TMPRSS4: variants seen among roughly 807,000 people sequenced by gnomAD.
TMPRSS4 encodes the protein transmembrane protease serine 4.
In TMPRSS4, 45 loss-of-function variants were observed where a neutral mutation model predicts 56.4. The observed-to-expected ratio is 0.80, with a 90% confidence interval of 0.63 to 1.02. The LOEUF is 1.02. Among genes scored for constraint, TMPRSS4 ranks in the 50% least tolerant of loss-of-function variants. The pLI, the probability that TMPRSS4 is intolerant of heterozygous loss-of-function variation, is 0.00. For missense variants in TMPRSS4, 546 were observed against 556.7 expected (o/e 0.98, Z 0.19); for synonymous variants, 205 against 211.0 (o/e 0.97, Z 0.25).
chr11:118,111,922 G>A (rs754629026), intron 8 of TMPRSS4, 22 bp downstream of exon 8: 16 of 1,595,086 alleles, frequency 1.0e-5, no homozygotes, highest in Non-Finnish European at 1.2e-5. Flanking sequence ...GCTGTAAGGA[G>A]GTCTCTGGGG....
At chr11:118,093,548 C>T (rs565937183) in intron 1 of TMPRSS4, among the ~76,000 whole-genome samples, 2 of 152,338 alleles carry the variant, frequency 1.3e-5, no homozygotes, top group East Asian at 3.9e-4. Context: ...GACTCTGTGG[C>T]TGTGTGCGTG....
At chr11:118,096,846 GGAAA>G (rs749979292) in intron 2 of TMPRSS4, among the ~76,000 whole-genome samples, 764 of 36,290 alleles carry the variant, frequency 0.021, 114 homozygotes, top group East Asian at 0.038. Context: ...AAGGAAAGAA[GGAAA>G]GAAAGAAAGA....
chr11:118,125,229 G>A, downstream of TMPRSS4: 1 of 456,278 alleles, frequency 2.2e-6, no homozygotes, highest in East Asian at 6.9e-5. Context: ...TGGGGTAAAT[G>A]TTGAATAATG....
chr11:118,087,086 A>G (rs1237299632), intron 1 of TMPRSS4, among the ~76,000 whole-genome samples: 1 of 150,496 alleles, frequency 6.6e-6, no homozygotes, highest in Non-Finnish European at 1.5e-5. Flanking sequence ...TGTTTATCCC[A>G]TCACCTAGCA....
intron 5 of TMPRSS4, chr11:118,106,142 G>T (rs573654946): frequency 6.6e-6 from 1 of 152,170 alleles, no homozygotes; most frequent in Non-Finnish European, 1.5e-5. Flanking sequence ...TGCATCAGCC[G>T]TTCCTGGCAC....
intron 7 of TMPRSS4, 32 bp from the exon 8 acceptor site, chr11:118,111,709 C>T: frequency 6.5e-7 from 1 of 1,528,240 alleles, no homozygotes. Context: ...AGCCTGACTT[C>T]CTGCCTCCTC....
At chr11:118,083,945 G>A (rs927712068) in intron 1 of TMPRSS4, among the ~76,000 whole-genome samples, 3 of 152,162 alleles carry the variant, frequency 2.0e-5, no homozygotes, top group African/African-American at 7.2e-5. Context: ...GGCTGAGCCA[G>A]GAGAATCGCT....
intron 8 of TMPRSS4, among the ~76,000 whole-genome samples, chr11:118,112,742 A>G (rs1442728769): frequency 1.3e-5 from 2 of 151,580 alleles, no homozygotes; most frequent in Non-Finnish European, 2.9e-5. Flanking sequence ...CAGGTACCAA[A>G]CACCAGATGA....
intron 7 of TMPRSS4, among the ~76,000 whole-genome samples, chr11:118,111,027 C>A (rs1947251759): frequency 6.6e-6 from 1 of 152,214 alleles, no homozygotes; most frequent in Non-Finnish European, 1.5e-5. Flanking sequence ...CAGGAGCGGG[C>A]AAGGTGGCAT....
intron 1 of TMPRSS4, chr11:118,086,869 G>C (rs553865601): frequency 1.3e-5 from 2 of 153,004 alleles, no homozygotes; most frequent in South Asian, 4.1e-4. Context: ...GTTTTGGGGA[G>C]GGATGCAGGT....
intron 8 of TMPRSS4, among the ~76,000 whole-genome samples, 197 bp from the exon 9 acceptor site, chr11:118,113,072 T>C (rs918569015): frequency 6.7e-6 from 1 of 150,214 alleles, no homozygotes; most frequent in African/African-American, 2.5e-5. Context: ...GGAAAAAGGG[T>C]CAAATCCCTT....
Position 118,103,725 on chromosome 11 carries a change from A to T in TMPRSS4, c.310+472A>T, listed in dbSNP as rs538428006. Among the ~76,000 whole-genome samples the T allele has an allele frequency of 2.0e-5, 3 of 152,278 alleles. No homozygotes were observed. The South Asian group carries it at 6.2e-4, about 32-fold the overall frequency. On this transcript the variant is annotated intron_variant, in intron 4 of 12. Coordinates refer to ENST00000437212, the MANE Select transcript of TMPRSS4 (RefSeq NM_019894.4). ...CAGGACCCTGTCTTGTCTACCTTTA[A>T]ATCCTAGTACTTAACACACAGCAAA...
chr11:118,096,915 GAGAGAAAGGAAA>G (rs1946370167), intron 2 of TMPRSS4, among the ~76,000 whole-genome samples: 3 of 56,992 alleles, frequency 5.3e-5, no homozygotes, highest in African/African-American at 6.0e-5. Flanking sequence ...AAGAAAGGGA[GAGAGAAAGGAAA>G]GAAAGAAAGA....
intron 9 of TMPRSS4, 92 bp downstream of exon 9, chr11:118,113,527 T>C: frequency 5.5e-6 from 8 of 1,453,176 alleles, no homozygotes; most frequent in African/African-American, 1.4e-5. Flanking sequence ...TGGCACATAA[T>C]GTCTCCTCTC....
At position 118,104,828 on chromosome 11, in the gene TMPRSS4, A is replaced by G. The variant is rs1442709686; in HGVS notation, c.440+8A>G. ...GCAGATGGGCTACAGCAGGTAACCA[A>G]CCTGGGCCTCTCTCCTTTTTCCCTC... On this transcript the variant is annotated splice_region_variant and intron_variant, in intron 5 of 12. Coordinates refer to ENST00000437212, the MANE Select transcript of TMPRSS4 (RefSeq NM_019894.4). 12 of 1,567,864 alleles carry G rather than the reference A, an allele frequency of 7.7e-6. No homozygotes were observed. Among genetic ancestry groups the G allele is most frequent in the Non-Finnish European group, 1.0e-5 (12 of 1,155,910 alleles).
intron 5 of TMPRSS4, 180 bp from the exon 6 acceptor site, chr11:118,107,594 T>G: frequency 5.7e-6 from 3 of 522,976 alleles, no homozygotes; most frequent in Non-Finnish European, 3.4e-6. Flanking sequence ...CAAGGGTCGG[T>G]TCTTTATTGT....
intron 2 of TMPRSS4, among the ~76,000 whole-genome samples, chr11:118,097,546 T>C (rs1312859322): frequency 6.6e-6 from 1 of 152,162 alleles, no homozygotes; most frequent in African/African-American, 2.4e-5. Flanking sequence ...CCCAGCTTAT[T>C]TCCCACAAGG....
chr11:118,103,224 A>C lies in TMPRSS4; in HGVS notation c.281A>C (p.Lys94Thr). 1 of 1,614,116 alleles carries C rather than the reference A, an allele frequency of 6.2e-7. No individual in the cohort carries two copies. Among genetic ancestry groups the C allele is most frequent in the Non-Finnish European group, 8.5e-7 (1 of 1,180,014 alleles). ...GGGGAGGACGAGGAGCACTGTGTCA[A>C]GAGCTTCCCCGAAGGGCCTGCAGTG... Reference protein sequence around the residue: ...PLGEDEEHCVKSFPEGPAVAV... With the variant: ...PLGEDEEHCVTSFPEGPAVAV... Residue 94 changes from lysine to threonine, a missense_variant, in exon 4 of 13, where the codon AAG becomes ACG. Physicochemically the swap from Lys to Thr is moderately conservative, Grantham distance 78. Coordinates refer to ENST00000437212, the MANE Select transcript of TMPRSS4 (RefSeq NM_019894.4).
At chr11:118,078,691 G>T (rs1944884708) in intron 1 of TMPRSS4, among the ~76,000 whole-genome samples, 2 of 152,242 alleles carry the variant, frequency 1.3e-5, no homozygotes, top group East Asian at 3.9e-4. Context: ...AGGAGACCTG[G>T]GGTGTCTCTT....
Sources: allele counts gnomAD v4.1 joint callset (sites outside exome capture counted in the v4.1 genomes callset), GRCh38; gene constraint gnomAD v4.1.1; transcripts MANE v1.5; gene names NCBI Gene and HGNC (gene_info 2026-07-23, HGNC 2026-07-21).